HEATR5A: variants seen among roughly 807,000 people sequenced by gnomAD.
The protein encoded by HEATR5A is HEAT repeat-containing protein 5A.
In HEATR5A, 178 loss-of-function variants were observed where a neutral mutation model predicts 218.8. That is an observed-to-expected ratio of 0.81 (90% CI 0.72 to 0.92). HEATR5A has a LOEUF of 0.92. HEATR5A is among the 40% of genes least tolerant of loss of function. The pLI, the probability that HEATR5A is intolerant of heterozygous loss-of-function variation, is 0.00. For missense variants in HEATR5A, 2,420 were observed against 2,418.9 expected, an observed-to-expected ratio of 1.00 and a Z score of -0.01; for synonymous variants, 864 against 871.6, an observed-to-expected ratio of 0.99 and a Z score of 0.15.
At chr14:31,353,830 C>T (rs528179530) in intron 16 of HEATR5A, among the ~76,000 whole-genome samples, 5 of 144,964 alleles carry the variant, frequency 3.4e-5, no homozygotes, top group Admixed American at 1.4e-4. Context: ...GATGGAGTCT[C>T]GCTCTGTCGC....
chr14:31,331,171 C>G (rs765262322), intron 22 of HEATR5A, among the ~76,000 whole-genome samples: 7 of 152,030 alleles, frequency 4.6e-5, no homozygotes. Flanking sequence ...AACTCCTGAC[C>G]TCAGGTGATC....
In HEATR5A at chr14:31,315,935, C is replaced by T. The variant is rs577275039; in HGVS notation, c.4053G>A (p.Trp1351Ter). Residue 1351 changes from tryptophan (W) to a stop codon, truncating the protein, a stop_gained, in exon 27 of 36, where the codon TGG becomes TGA. Coordinates refer to ENST00000543095, the MANE Select transcript of HEATR5A (RefSeq NM_015473.4). LOFTEE classifies it high-confidence loss of function. The stretch of plus-strand genomic sequence containing the variant: ...GGTCACTTACAACTCCACTTGCTAT[C>T]CAGGCACTGCAAACCTAGTTTTCAA... Reference protein sequence around the residue: ...TAKACQVCSAWIASGVVSDLN... With the variant: ...TAKACQVCSA The T allele has an allele frequency of 6.4e-7, 1 of 1,551,316 alleles. No homozygotes were observed. Among genetic ancestry groups the T allele is most frequent in the Admixed American group, 2.0e-5 (1 of 49,282 alleles).
Position 31,369,458 on chromosome 14 carries a change from C to A in HEATR5A, c.1961+2352G>T, listed in dbSNP as rs144869713. The stretch of plus-strand genomic sequence containing the variant: ...CAAAATCCTGTCTCTATGAAAAACA[C>A]AAAAATTAGCCAGGCATAGTGGTGC... On this transcript the variant is annotated intron_variant, in intron 13 of 35. Transcript: ENST00000543095. 9.8e-3 allele frequency among the ~76,000 whole-genome samples: 1,489 copies of A among 151,816 alleles called. 17 individuals are homozygous for A. Among genetic ancestry groups the A allele is most frequent in the African/African-American group, 0.034 (1,413 of 41,386 alleles).
intron 28 of HEATR5A, among the ~76,000 whole-genome samples, chr14:31,311,088 C>T (rs1426484884): frequency 6.6e-6 from 1 of 151,872 alleles, no homozygotes; most frequent in African/African-American, 2.4e-5. Context: ...TACACACACA[C>T]AAAACTAGTA....
chr14:31,364,352 C>T, intron 13 of HEATR5A, 54 bp from the exon 14 acceptor site: 5 of 782,692 alleles, frequency 6.4e-6, no homozygotes, highest in East Asian at 2.7e-5. Context: ...TAACAATATA[C>T]AAAAATTGAC....
intron 22 of HEATR5A, among the ~76,000 whole-genome samples, chr14:31,336,430 C>T (rs986685312): frequency 6.6e-6 from 1 of 151,442 alleles, no homozygotes; most frequent in Non-Finnish European, 1.5e-5. Flanking sequence ...CTAAAACAGT[C>T]CTCTCGCCTT....
rs1483370917 is a variant in HEATR5A, at chr14:31,302,437, C to T, written c.5322G>A (p.Gln1774=). The T allele has an allele frequency of 1.3e-6, 2 of 1,598,538 alleles. No homozygotes were observed. The highest frequency in any genetic ancestry group is 8.5e-7 in the Non-Finnish European group (1 of 1,171,834). The change falls in exon 33 of 36, where the codon CAG becomes CAA. Residue 1774 remains glutamine (Q), a synonymous_variant. Coordinates refer to ENST00000543095, the MANE Select transcript of HEATR5A (RefSeq NM_015473.4). ...RETAVKLPGG[Q]LSSTVAASLQ... is the part of the protein sequence containing the mutation. ...GGGAAGCTGCAACTGTCGAAGATAA[C>T]TGGCCCCCAGGTAACTTCACAGCAG...
chr14:31,389,155 C>T (rs551628651), intron 6 of HEATR5A, 150 bp from the exon 7 acceptor site: 2 of 674,302 alleles, frequency 3.0e-6, no homozygotes, highest in East Asian at 2.8e-5. Flanking sequence ...CACAGTAACA[C>T]ACAAAGTCAC....
chr14:31,409,705 C>A (rs1033060051), intron 1 of HEATR5A, among the ~76,000 whole-genome samples: 1 of 152,106 alleles, frequency 6.6e-6, no homozygotes, highest in African/African-American at 2.4e-5. Flanking sequence ...ACAAACAAAA[C>A]CAACCATATT....
intron 6 of HEATR5A, 48 bp from the exon 7 acceptor site, chr14:31,389,053 T>C (rs1313819173): frequency 6.8e-7 from 1 of 1,468,972 alleles, no homozygotes; most frequent in Non-Finnish European, 9.2e-7. Flanking sequence ...GACTAAATTT[T>C]AATGTAAGTT....
intron 23 of HEATR5A, among the ~76,000 whole-genome samples, chr14:31,325,387 AC>A (rs1900231362): frequency 6.6e-6 from 1 of 152,096 alleles, no homozygotes. Context: ...ATGTAGTGAA[AC>A]TGGCTTGCTC....
intron 14 of HEATR5A, among the ~76,000 whole-genome samples, chr14:31,362,440 C>T (rs1180158934): frequency 6.6e-6 from 1 of 151,288 alleles, no homozygotes; most frequent in Non-Finnish European, 1.5e-5. Context: ...AGACTTTTTC[C>T]TCTAATTCAA....
rs750697233 is a variant in HEATR5A at position 31,371,853 on chromosome 14, G to A, written c.1918C>T (p.Arg640Cys). Residue 640 changes from arginine (R) to cysteine (C), a missense_variant, in exon 13 of 36, where the codon CGT becomes TGT. Coordinates refer to ENST00000543095, the MANE Select transcript of HEATR5A (RefSeq NM_015473.4). ...GCACAAGGAAGTGGTGGAAGAAGAC[G>A]CTGAGTTACTTCCTCAGTAAGAAGA... ...GDLLTEEVTQ[R>C]LLPPLPCAVD... 15 of 1,552,898 alleles carry A rather than the reference G, an allele frequency of 9.7e-6. No homozygotes were observed. The highest frequency in any genetic ancestry group is 6.8e-5 in the African/African-American group (5 of 73,174).
chr14:31,342,969 A>G (rs1900886541), intron 21 of HEATR5A, among the ~76,000 whole-genome samples: 1 of 152,150 alleles, frequency 6.6e-6, no homozygotes. Context: ...TACTAATGGG[A>G]GTGTGCTACG....
At chr14:31,393,705 T>C (rs962155936) in intron 6 of HEATR5A, among the ~76,000 whole-genome samples, 3 of 152,100 alleles carry the variant, frequency 2.0e-5, no homozygotes, top group South Asian at 2.1e-4. Flanking sequence ...CAGGCTGAGA[T>C]TGTGCAGTGG....
rs765793969 is a variant in HEATR5A at position 31,306,802 on chromosome 14, T to C, written c.4896A>G (p.Ser1632=). The part of the protein sequence containing the change: ...TRESPSIQLA[S]LEVVRQIICA... ...AGATAATCTGCCTTACCACTTCAAG[T>C]GAAGCCAACTGAATGGAAGGTGATT... Residue 1632 remains serine, a synonymous_variant, in exon 31 of 36, where the codon TCA becomes TCG. Coordinates refer to ENST00000543095, the MANE Select transcript of HEATR5A (RefSeq NM_015473.4). The C allele has an allele frequency of 1.2e-6, 2 of 1,613,748 alleles. No homozygotes were observed. The highest frequency in any genetic ancestry group is 1.7e-6 in the Non-Finnish European group (2 of 1,179,728).
intron 13 of HEATR5A, among the ~76,000 whole-genome samples, chr14:31,367,550 C>T (rs529216492): frequency 4.7e-5 from 7 of 149,848 alleles, no homozygotes; most frequent in African/African-American, 1.7e-4. Flanking sequence ...CAGCCATGTG[C>T]CACCACTATG....
intron 9 of HEATR5A, among the ~76,000 whole-genome samples, chr14:31,384,829 ATAAT>A (rs1311964919): frequency 2.0e-5 from 3 of 152,104 alleles, no homozygotes; most frequent in African/African-American, 4.8e-5. Flanking sequence ...CCCAGCCTAC[ATAAT>A]TAATACACTT....
rs1426260969 is a variant in HEATR5A at position 31,358,802 on chromosome 14, C to G, written c.2246G>C (p.Gly749Ala). The stretch of plus-strand genomic sequence containing the variant: ...AAGACTTCCGCAAGCAACACCATTA[C>G]CAAGCAGGAGCTAAAAGGGAAAAAA... ...HRFIEEQLLL[G>A]NGVACGSLEY... Residue 749 changes from glycine to alanine, a missense_variant, in exon 16 of 36, where the codon GGT becomes GCT. By Grantham distance (60) the Gly-to-Ala change is moderately conservative. Coordinates refer to ENST00000543095, the MANE Select transcript of HEATR5A (RefSeq NM_015473.4). 1 of 1,613,472 alleles carries G rather than the reference C, an allele frequency of 6.2e-7. No individual in the cohort carries two copies.
Sources: allele counts gnomAD v4.1 joint callset (sites outside exome capture counted in the v4.1 genomes callset), GRCh38; gene constraint gnomAD v4.1.1; transcripts MANE v1.5; gene names NCBI Gene and HGNC (gene_info 2026-07-23, HGNC 2026-07-21).